The following AK5 variants were observed in gnomAD, a reference collection of about 807,000 sequenced individuals.
AK5 encodes adenylate kinase isoenzyme 5.
In AK5, 27 loss-of-function variants were observed where a neutral mutation model predicts 69.5. That is an observed-to-expected ratio of 0.39 (90% CI 0.29 to 0.54). AK5 has a LOEUF of 0.54. Among genes scored for constraint, AK5 ranks in the 20% least tolerant of loss-of-function variants. The pLI is 0.71. For missense variants in AK5, 531 were observed against 700.4 expected, an observed-to-expected ratio of 0.76 and a Z score of 2.73; for synonymous variants, 260 against 244.4, an observed-to-expected ratio of 1.06 and a Z score of -0.60.
chr1:77,505,362 G>A (rs3104467), intron 10 of AK5, among the ~76,000 whole-genome samples: 60,311 of 152,032 alleles, frequency 0.4, 12,343 homozygotes, highest in South Asian at 0.6. Context: ...GCCCAAAGAG[G>A]TGAGATATCA....
intron 8 of AK5, among the ~76,000 whole-genome samples, chr1:77,457,212 C>T (rs2100668421): frequency 6.6e-6 from 1 of 152,290 alleles, no homozygotes; most frequent in Admixed American, 6.5e-5. Context: ...TGAAGTATCC[C>T]ACTGATGTAC....
intron 6 of AK5, among the ~76,000 whole-genome samples, chr1:77,365,473 G>A (rs1231109847): frequency 6.6e-6 from 1 of 152,166 alleles, no homozygotes; most frequent in Non-Finnish European, 1.5e-5. Context: ...CTGGTGTTCT[G>A]TAGGTCAGCA....
intron 10 of AK5, among the ~76,000 whole-genome samples, chr1:77,501,049 C>T (rs1459432803): frequency 6.6e-6 from 1 of 152,138 alleles, no homozygotes; most frequent in Non-Finnish European, 1.5e-5. Flanking sequence ...TGGTTGGAGT[C>T]TCTTCCTAGA....
intron 8 of AK5, among the ~76,000 whole-genome samples, chr1:77,477,901 T>C (rs1655044286): frequency 6.6e-6 from 1 of 152,172 alleles, no homozygotes; most frequent in South Asian, 2.1e-4. Context: ...AAATGACCTA[T>C]TACTTCTTTC....
At chr1:77,513,889 C>T (rs934197794) in intron 10 of AK5, among the ~76,000 whole-genome samples, 1 of 152,192 alleles carries the variant, frequency 6.6e-6, no homozygotes, top group Admixed American at 6.5e-5. Context: ...CCCACGTGGG[C>T]ATGCCGAGGT....
At chr1:77,543,103 A>T (rs992858998) in intron 13 of AK5, among the ~76,000 whole-genome samples, 1 of 152,184 alleles carries the variant, frequency 6.6e-6, no homozygotes, top group African/African-American at 2.4e-5. Flanking sequence ...AATGGTCCAC[A>T]TTGTTCTGGT....
intron 6 of AK5, among the ~76,000 whole-genome samples, chr1:77,396,330 C>G (rs560375435): frequency 6.1e-4 from 93 of 152,258 alleles, no homozygotes; most frequent in African/African-American, 2.2e-3. Flanking sequence ...TTTGTCTCTC[C>G]TGCTTCATTT....
intron 8 of AK5, among the ~76,000 whole-genome samples, chr1:77,423,839 A>AG (rs1651014277): frequency 6.6e-6 from 1 of 151,880 alleles, no homozygotes; most frequent in South Asian, 2.1e-4. Context: ...GAAAAAAAAA[A>AG]CACTTTGAAA....
intron 5 of AK5, among the ~76,000 whole-genome samples, chr1:77,303,673 C>T (rs1659467001): frequency 6.6e-6 from 1 of 152,096 alleles, no homozygotes; most frequent in Admixed American, 6.5e-5. Context: ...TAGTTTTGAC[C>T]TATGACCTTC....
chr1:77,374,925 T>C (rs1647196170), intron 6 of AK5, among the ~76,000 whole-genome samples: 1 of 152,216 alleles, frequency 6.6e-6, no homozygotes, highest in African/African-American at 2.4e-5. Flanking sequence ...AATGCATTCT[T>C]ACCAAACTCT....
At chr1:77,504,651 T>C (rs1010684237) in intron 10 of AK5, among the ~76,000 whole-genome samples, 1 of 152,168 alleles carries the variant, frequency 6.6e-6, no homozygotes, top group Non-Finnish European at 1.5e-5. Context: ...ATTTCACTAA[T>C]TGGACGCATG....
intron 8 of AK5, among the ~76,000 whole-genome samples, chr1:77,475,454 ACAAATATATATTATATATG>A (rs1654855256): frequency 3.0e-4 from 1 of 3,376 alleles, no homozygotes; most frequent in African/African-American, 5.9e-4. Context: ...TTATATATAT[ACAAATATATATTATATATG>A]TATATATATT....
chr1:77,470,845 A>T (rs866147704), intron 8 of AK5, among the ~76,000 whole-genome samples: 3 of 704 alleles, frequency 4.3e-3, no homozygotes, highest in South Asian at 0.12. Context: ...ATATATATAT[A>T]TATATATATA....
At chr1:77,321,676 C>G (rs1033319781) in intron 5 of AK5, among the ~76,000 whole-genome samples, 1 of 152,086 alleles carries the variant, frequency 6.6e-6, no homozygotes. Flanking sequence ...TTGAGTGCTG[C>G]CCCCTAATAT....
chr1:77,285,860 TC>T (rs1381926742), intron 1 of AK5, among the ~76,000 whole-genome samples: 2 of 152,126 alleles, frequency 1.3e-5, no homozygotes, highest in Non-Finnish European at 2.9e-5. Flanking sequence ...ATTTTTTTTT[TC>T]CAATTGGAAA....
intron 8 of AK5, among the ~76,000 whole-genome samples, chr1:77,418,375 G>A (rs971409743): frequency 2.6e-5 from 4 of 152,126 alleles, no homozygotes; most frequent in African/African-American, 9.7e-5. Context: ...TCTCCCACTG[G>A]CTCCCTCTCA....
chr1:77,310,292 C>T (rs1335983614), intron 5 of AK5, among the ~76,000 whole-genome samples: 2 of 152,046 alleles, frequency 1.3e-5, no homozygotes, highest in East Asian at 3.8e-4. Context: ...TTATATATTT[C>T]TGCACCAATA....
At chr1:77,381,250 C>T (rs552181657) in intron 6 of AK5, among the ~76,000 whole-genome samples, 8 of 152,208 alleles carry the variant, frequency 5.3e-5, no homozygotes, top group African/African-American at 1.9e-4. Context: ...GTTATAGCAA[C>T]AAGAATGTTT....
At chr1:77,290,061 T>A (rs949625082) in intron 2 of AK5, among the ~76,000 whole-genome samples, 2 of 152,156 alleles carry the variant, frequency 1.3e-5, no homozygotes, top group African/African-American at 4.8e-5. Flanking sequence ...AATTTTAGGT[T>A]CTCCATACCT....
Sources: allele counts gnomAD v4.1 joint callset (sites outside exome capture counted in the v4.1 genomes callset), GRCh38; gene constraint gnomAD v4.1.1; transcripts MANE v1.5; gene names NCBI Gene and HGNC (gene_info 2026-07-23, HGNC 2026-07-21).